The following RINL variants were observed in gnomAD, a reference collection of about 807,000 sequenced individuals.
RINL encodes the protein ras and Rab interactor-like protein.
Under a neutral mutation model 58.1 loss-of-function variants are expected in RINL, and 39 were observed. That is an observed-to-expected ratio of 0.67 (90% CI 0.52 to 0.88). The LOEUF (loss-of-function observed/expected upper bound fraction) is 0.88. Ranked by LOEUF, RINL falls within the 40% of genes least tolerant of loss-of-function variation. The probability of loss-of-function intolerance (pLI) is 0.00; values close to 1 mark genes in which losing one functional copy is unlikely to be tolerated. For missense variants in RINL, 711 were observed against 749.2 expected (o/e 0.95, Z 0.60); for synonymous variants, 286 against 323.1 (o/e 0.89, Z 1.23).
At chr19:38,871,491 C>A in intron 6 of RINL, 156 bp downstream of exon 6, 1 of 736,088 alleles carries the variant, frequency 1.4e-6, no homozygotes, top group East Asian at 2.6e-5. Context: ...CCCCTCCTCC[C>A]TCTGGGACTA....
At position 38,868,058 on chromosome 19, in the gene RINL, TGCCTTAGCCTCC is replaced by T. The variant is rs1339801267; in HGVS notation, c.*1034_*1045del. The T allele has an allele frequency of 2.6e-5, 4 of 152,350 alleles. No individual in the cohort carries two copies. In the East Asian group the frequency reaches 7.7e-4, roughly 29 times the overall value. 9.4% of individuals were successfully genotyped at this position (152,350 alleles called of 1,614,324 possible). A position where few individuals can be genotyped will look rare whatever the true frequency, so the allele number is the denominator to read the frequency against. On this transcript the variant is annotated 3_prime_UTR_variant, in exon 12 of 12. Coordinates refer to ENST00000591812, the MANE Select transcript of RINL (RefSeq NM_001195833.2). ...GCCTCCCGGGTTCAAGCCATTCTCC[TGCCTTAGCCTCC>T]GGAGTAGCTGGGATTACAGGCATGC...
chr19:38,870,244 C>T lies in RINL; in HGVS notation c.1041G>A (p.Thr347=). 7.2e-7 allele frequency: 1 copy of T among 1,384,702 alleles called. No individual in the cohort carries two copies. Among genetic ancestry groups the T allele is most frequent in the Non-Finnish European group, 9.3e-7 (1 of 1,077,048 alleles). 85.8% of individuals were successfully genotyped at this position (1,384,702 alleles called of 1,614,324 possible). Residue 347 remains threonine (T), a synonymous_variant, in exon 9 of 12, where the codon ACG becomes ACA. Transcript: ENST00000591812. This position sits in a 1 kb window ranked among gnomAD's most constrained non-coding sequence, Gnocchi z 5.8. ...GCGCCAGCACCGCCTGGCACACCGC[C>T]GTCTCCAGCGCGGGGCCTGCGGGGT... The part of the protein sequence containing the change: ...KDEDPGPALE[T]AVCQAVLAPL...
Position 38,870,576 on chromosome 19 carries a change from C to T in RINL, c.1018G>A (p.Asp340Asn). The change falls in exon 8 of 12, where the codon GAT becomes AAT. Residue 340 changes from aspartate to asparagine, a missense_variant. Coordinates refer to ENST00000591812, the MANE Select transcript of RINL (RefSeq NM_001195833.2). The surrounding 1 kb of genome is among the most constrained non-coding windows in gnomAD (Gnocchi z 5.8). ...RGPGLPKKDE[D>N]PGPALETAVC... ...CTTCCAGTCCTCCCATTACCTGGAT[C>T]CTCGTCCTTCTTGGGGAGCCCAGGA... The T allele has an allele frequency of 1.3e-6, 2 of 1,566,350 alleles. No individual in the cohort carries two copies. The highest frequency in any genetic ancestry group is 1.7e-6 in the Non-Finnish European group (2 of 1,155,808).
At chr19:38,871,543 A>G in intron 6 of RINL, 104 bp downstream of exon 6, 1 of 1,077,496 alleles carries the variant, frequency 9.3e-7, no homozygotes, top group Non-Finnish European at 1.4e-6. Flanking sequence ...CCAGTTCTAT[A>G]TTCTCCTCAA....
At chr19:38,874,966 C>T (rs1240947303) in intron 3 of RINL, among the ~76,000 whole-genome samples, 1 of 151,894 alleles carries the variant, frequency 6.6e-6, no homozygotes, top group Non-Finnish European at 1.5e-5. Flanking sequence ...GAATCCCAGT[C>T]TCTACTAAAA....
At chr19:38,871,412 T>C in intron 6 of RINL, 185 bp from the exon 7 acceptor site, 1 of 709,010 alleles carries the variant, frequency 1.4e-6, no homozygotes, top group Non-Finnish European at 2.3e-6. Flanking sequence ...GGCCCAGGCG[T>C]CCGGGACCCC....
At chr19:38,871,275 AC>A (rs752046260) in intron 6 of RINL, 48 bp from the exon 7 acceptor site, 1 of 1,601,434 alleles carries the variant, frequency 6.2e-7, no homozygotes. Context: ...CAAGGGACCA[AC>A]CCTGGTCCCC....
At chr19:38,876,526 A>G in intron 2 of RINL, 36 bp from the exon 3 acceptor site, 1 of 1,532,200 alleles carries the variant, frequency 6.5e-7, no homozygotes, top group Non-Finnish European at 8.7e-7. Flanking sequence ...CAGGGGTCAG[A>G]GGTGGGCAGT....
rs145141889 is a variant in RINL at position 38,868,676 on chromosome 19, G to A, written c.*428C>T. On this transcript the variant is annotated 3_prime_UTR_variant, in exon 12 of 12. Transcript: ENST00000591812. ...CTGTTCCTCAAGCAAGATGCCAGACGTACCTGGGTCAGTCCAGACTCCTGA... is the reference window on the plus strand; with the variant it reads ...CTGTTCCTCAAGCAAGATGCCAGACATACCTGGGTCAGTCCAGACTCCTGA... 57 of 155,628 alleles carry A rather than the reference G, an allele frequency of 3.7e-4. No homozygotes were observed. Among genetic ancestry groups the A allele is most frequent in the African/African-American group, 1.2e-3 (48 of 41,612 alleles). The allele number at this position is 155,628 out of a possible 1,614,324, so 9.6% of individuals were successfully genotyped here.
At position 38,869,538 on chromosome 19, in the gene RINL, C is replaced by G; in HGVS notation, c.1474+35G>C. On this transcript the variant is annotated intron_variant, in intron 10 of 11. Coordinates refer to ENST00000591812, the MANE Select transcript of RINL (RefSeq NM_001195833.2). The surrounding 1 kb of genome is among the most constrained non-coding windows in gnomAD (Gnocchi z 5.7). Reference sequence around the variant, plus strand: ...GTTTGGGATCCCGGAGGTACTGGATCGCTGGGCTCCAGCATTCTGGAGTTG... The same window carrying G: ...GTTTGGGATCCCGGAGGTACTGGATGGCTGGGCTCCAGCATTCTGGAGTTG... 1 of 1,610,054 alleles carries G rather than the reference C, an allele frequency of 6.2e-7. No individual in the cohort carries two copies. Among genetic ancestry groups the G allele is most frequent in the Non-Finnish European group, 8.5e-7 (1 of 1,177,768 alleles).
At chr19:38,874,016 G>C in intron 3 of RINL, 28 bp from the exon 4 acceptor site, 1 of 1,378,502 alleles carries the variant, frequency 7.3e-7, no homozygotes, top group Non-Finnish European at 1.0e-6. Flanking sequence ...AGGCCAGCGT[G>C]ACAAAGGTGT....
rs1273100497 is a variant in RINL at position 38,871,133 on chromosome 19, C to A, written c.546G>T (p.Gly182=). ...QLYLETHRGW[G]REQTPQETEP... is the part of the protein sequence containing the mutation. ...CTGTTTCTTGAGGGGTCTGCTCCCTCCCCCAGCCTCTGTGGGTCTCCAGGT... is the reference window on the plus strand; with the variant it reads ...CTGTTTCTTGAGGGGTCTGCTCCCTACCCCAGCCTCTGTGGGTCTCCAGGT... Residue 182 remains glycine, a synonymous_variant, in exon 7 of 12, where the codon GGG becomes GGT. Transcript: ENST00000591812. 1.9e-6 allele frequency: 3 copies of A among 1,613,500 alleles called. No homozygotes were observed. Among genetic ancestry groups the A allele is most frequent in the Non-Finnish European group, 1.7e-6 (2 of 1,179,682 alleles).
chr19:38,876,665 G>C, intron 2 of RINL, 28 bp downstream of exon 2: 1 of 1,529,970 alleles, frequency 6.5e-7, no homozygotes, highest in Non-Finnish European at 8.8e-7. Flanking sequence ...GGGGAAGGAG[G>C]GCATAGCCTC....
In RINL at chr19:38,869,955, C is replaced by T. The variant is rs939160689; in HGVS notation, c.1330G>A (p.Gly444Ser). ...ACCCCTCCCTTACCTTGGTTCTCGC[C>T]TCGAGCCAGGCCCGCATAGACATCT... is the stretch of plus-strand genomic sequence containing the variant. The part of the protein sequence containing the change: ...CRDVYAGLAR[G>S]ENQDPLGADA... Residue 444 changes from glycine (G) to serine (S), a missense_variant, in exon 9 of 12, where the codon GGC (glycine) becomes AGC (serine). By Grantham distance (56) the Gly-to-Ser change is moderately conservative. Transcript: ENST00000591812. This position sits in a 1 kb window ranked among gnomAD's most constrained non-coding sequence, Gnocchi z 5.7. 14 of 1,598,340 alleles carry T rather than the reference C, an allele frequency of 8.8e-6. No individual in the cohort carries two copies. Among genetic ancestry groups the T allele is most frequent in the Non-Finnish European group, 1.2e-5 (14 of 1,173,864 alleles).
intron 3 of RINL, among the ~76,000 whole-genome samples, chr19:38,874,891 T>A (rs970374260): frequency 2.0e-5 from 3 of 152,120 alleles, no homozygotes; most frequent in Non-Finnish European, 4.4e-5. Flanking sequence ...TCCCAGCACT[T>A]TGGGAGGCCG....
chr19:38,870,935 T>A lies in RINL; in HGVS notation c.659A>T (p.Glu220Val), dbSNP rs771242147. 6.2e-7 allele frequency: 1 copy of A among 1,605,546 alleles called. No homozygotes were observed. The highest frequency in any genetic ancestry group is 1.1e-5 in the South Asian group (1 of 91,066). The change falls in exon 8 of 12, where the codon GAA (glutamate) becomes GTA (valine). Residue 220 changes from glutamate to valine, a missense_variant. Transcript: ENST00000591812. This position sits in a 1 kb window ranked among gnomAD's most constrained non-coding sequence, Gnocchi z 5.8. Reference protein sequence around the residue: ...VSWVKGPLSPEVDHPGPALAS... With the variant: ...VSWVKGPLSPVVDHPGPALAS... Reference sequence around the variant, plus strand: ...GAGAGCCGGCCCAGGATGGTCCACTTCCGGGCTGAGCGGGCCTTTCACCCA... The same window carrying A: ...GAGAGCCGGCCCAGGATGGTCCACTACCGGGCTGAGCGGGCCTTTCACCCA...
chr19:38,874,301 C>G (rs1329646168), intron 3 of RINL, among the ~76,000 whole-genome samples: 3 of 151,330 alleles, frequency 2.0e-5, no homozygotes, highest in African/African-American at 7.3e-5. Flanking sequence ...GAGACGGAGT[C>G]TTGCCCTGTC....
rs1158961740 is a variant in RINL at position 38,870,502 on chromosome 19, C to A, written c.1024+68G>T. The A allele has an allele frequency of 1.2e-5, 17 of 1,464,076 alleles. No individual in the cohort carries two copies. The highest frequency in any genetic ancestry group is 5.2e-5 in the Admixed American group (2 of 38,686). 90.7% of individuals were successfully genotyped at this position (1,464,076 alleles called of 1,614,324 possible). A position where few individuals can be genotyped will look rare whatever the true frequency, so the allele number is the denominator to read the frequency against. Reference sequence around the variant, plus strand: ...GTGTGGGTGCAGAAGGAAACGTGTGCGCACCGATGGAGAGGACGAAGTTGC... The same window carrying A: ...GTGTGGGTGCAGAAGGAAACGTGTGAGCACCGATGGAGAGGACGAAGTTGC... On this transcript the variant is annotated intron_variant, in intron 8 of 11. Coordinates refer to ENST00000591812, the MANE Select transcript of RINL (RefSeq NM_001195833.2). This position sits in a 1 kb window ranked among gnomAD's most constrained non-coding sequence, Gnocchi z 5.8.
In RINL at chr19:38,869,808, C is replaced by T; in HGVS notation, c.1343-104G>A. ...CCACGAGGGCTGGCTGCCCCTCCAC[C>T]TTGTCGGGCATGACAGCGCCTCCTA... On this transcript the variant is annotated intron_variant, in intron 9 of 11. Coordinates refer to ENST00000591812, the MANE Select transcript of RINL (RefSeq NM_001195833.2). This position sits in a 1 kb window ranked among gnomAD's most constrained non-coding sequence, Gnocchi z 5.7. 1 of 1,562,476 alleles carries T rather than the reference C, an allele frequency of 6.4e-7. No homozygotes were observed. Among genetic ancestry groups the T allele is most frequent in the Non-Finnish European group, 8.7e-7 (1 of 1,149,926 alleles).
Sources: gnomAD v4.1 joint callset for allele counts (sites outside exome capture counted in the v4.1 genomes callset) on GRCh38, gnomAD v4.1.1 for gene constraint, Gnocchi (gnomAD v3.1) non-coding constraint, MANE v1.5 for transcripts, NCBI Gene and HGNC (gene_info 2026-07-23, HGNC 2026-07-21) for gene names.